Variants in CHRNA7 observed in about 807,000 individuals in gnomAD.
CHRNA7 encodes cholinergic receptor nicotinic alpha 7 subunit, also known as neuronal acetylcholine receptor subunit alpha-7.
CHRNA7 carries 17 observed loss-of-function variants against 48.0 expected under a neutral mutation model. The observed-to-expected ratio is 0.35, with a 90% CI of 0.24 to 0.53. CHRNA7 has a LOEUF of 0.53. Among genes scored for constraint, CHRNA7 ranks in the 20% least tolerant of loss-of-function variants. The probability of loss-of-function intolerance (pLI) is 0.92; values close to 1 mark genes in which losing one functional copy is unlikely to be tolerated. For missense variants in CHRNA7, 155 were observed against 577.7 expected, an observed-to-expected ratio of 0.27 and a Z score of 7.50; for synonymous variants, 75 against 242.3, an observed-to-expected ratio of 0.31 and a Z score of 6.41.
At chr15:32,112,382 A>T in intron 4 of CHRNA7, 1 of 456,946 alleles carries the variant, frequency 2.2e-6, no homozygotes, top group Non-Finnish European at 4.4e-6. Flanking sequence ...GAGGACTGTC[A>T]TCTCTAGCTG....
chr15:32,098,684 G>C (rs938145073), intron 2 of CHRNA7: 2 of 152,296 alleles, frequency 1.3e-5, no homozygotes, highest in Non-Finnish European at 2.9e-5. Flanking sequence ...ATCACAGGTG[G>C]TTAAAGCAGA....
chr15:32,124,646 A>G (rs2051033165), intron 4 of CHRNA7, among the ~76,000 whole-genome samples: 1 of 152,000 alleles, frequency 6.6e-6, no homozygotes, highest in African/African-American at 2.4e-5. Context: ...AGTCAGGTGA[A>G]TCCACCTCAA....
intron 4 of CHRNA7, among the ~76,000 whole-genome samples, chr15:32,121,600 A>AAG (rs146227171): frequency 6.6e-6 from 1 of 152,180 alleles, no homozygotes; most frequent in Non-Finnish European, 1.5e-5. Flanking sequence ...AAAGATCTGG[A>AAG]AGAGAGAGAG....
In CHRNA7 at chr15:32,058,570, C is replaced by T. The variant is rs186401266; in HGVS notation, c.195+27533C>T. 3.7e-3 allele frequency among the ~76,000 whole-genome samples: 566 copies of T among 152,242 alleles called. 2 individuals are homozygous for T. Among genetic ancestry groups the T allele is most frequent in the Non-Finnish European group, 6.0e-3 (411 of 68,010 alleles). On this transcript the variant is annotated intron_variant, in intron 2 of 9. Transcript: ENST00000306901. ...GTGCTTGAAACTTAGTGTTAGAGTG[C>T]TCGAAACTTAGTCTCAAATAGAGGA...
At chr15:32,117,937 T>C (rs1355899649) in intron 4 of CHRNA7, among the ~76,000 whole-genome samples, 1 of 152,226 alleles carries the variant, frequency 6.6e-6, no homozygotes, top group African/African-American at 2.4e-5. Context: ...TTTGAATATT[T>C]GTCCTTTACA....
intron 2 of CHRNA7, among the ~76,000 whole-genome samples, chr15:32,051,545 C>T (rs776744619): frequency 1.3e-5 from 2 of 149,520 alleles, no homozygotes; most frequent in Non-Finnish European, 3.0e-5. Context: ...TTCCAGGTGC[C>T]GTCTGTCACC....
chr15:32,140,061 A>G (rs532918525), intron 4 of CHRNA7, among the ~76,000 whole-genome samples: 1 of 152,008 alleles, frequency 6.6e-6, no homozygotes, highest in Admixed American at 6.5e-5. Context: ...TCCTAATGCT[A>G]TCCCACCCCC....
chr15:32,050,670 T>C (rs551163133), intron 2 of CHRNA7, among the ~76,000 whole-genome samples: 50 of 152,354 alleles, frequency 3.3e-4, no homozygotes, highest in South Asian at 1.9e-3. Context: ...TCCATCCAGC[T>C]TTGTTCCGTT....
intron 2 of CHRNA7, among the ~76,000 whole-genome samples, chr15:32,034,482 AT>A (rs1440468135): frequency 6.6e-6 from 1 of 152,198 alleles, no homozygotes; most frequent in Non-Finnish European, 1.5e-5. Flanking sequence ...GGGGGAGGCT[AT>A]GATTTTTCTT....
At chr15:32,123,343 T>C (rs924383560) in intron 4 of CHRNA7, among the ~76,000 whole-genome samples, 1 of 151,496 alleles carries the variant, frequency 6.6e-6, no homozygotes, top group Non-Finnish European at 1.5e-5. Context: ...TGAATAGCTA[T>C]CAGAGTAACA....
intron 2 of CHRNA7, among the ~76,000 whole-genome samples, chr15:32,046,155 A>G (rs2141178583): frequency 6.6e-6 from 1 of 152,176 alleles, no homozygotes; most frequent in Non-Finnish European, 1.5e-5. Context: ...TTATAGCAGC[A>G]TGATTTATAG....
At chr15:32,125,549 A>G (rs929654790) in intron 4 of CHRNA7, among the ~76,000 whole-genome samples, 1 of 152,108 alleles carries the variant, frequency 6.6e-6, no homozygotes, top group Non-Finnish European at 1.5e-5. Flanking sequence ...TTCTGGGGTC[A>G]AGAGGGGACA....
At chr15:32,084,181 A>G (rs2050259032) in intron 2 of CHRNA7, among the ~76,000 whole-genome samples, 1 of 151,814 alleles carries the variant, frequency 6.6e-6, no homozygotes, top group Non-Finnish European at 1.5e-5. Context: ...TTACAGAAAA[A>G]CAAACATGTT....
At chr15:32,064,972 G>T (rs2049941772) in intron 2 of CHRNA7, among the ~76,000 whole-genome samples, 2 of 152,180 alleles carry the variant, frequency 1.3e-5, no homozygotes, top group African/African-American at 4.8e-5. Flanking sequence ...GTTGAGGTAT[G>T]TATGTGAAAA....
rs988451027 is a variant in CHRNA7 at position 32,078,242 on chromosome 15, CAATT to C, written c.196-23060_196-23057del. Among the ~76,000 whole-genome samples, 14 of 152,168 alleles carry C rather than the reference CAATT, an allele frequency of 9.2e-5. No homozygotes were observed. In the South Asian group the frequency reaches 2.7e-3, roughly 29 times the overall value. ...TTAATTTTAATGAAGTCCAGTCTAT[CAATT>C]CTTTCTTTCGTAGATCATCCTTTGG... On this transcript the variant is annotated intron_variant, in intron 2 of 9. Transcript: ENST00000306901.
chr15:32,051,338 C>T (rs1026497733), intron 2 of CHRNA7, among the ~76,000 whole-genome samples: 11 of 152,150 alleles, frequency 7.2e-5, no homozygotes, highest in East Asian at 1.9e-4. Flanking sequence ...TTTACCTAAG[C>T]GAGCCTAGGC....
chr15:32,105,348 A>G (rs1478223625), intron 3 of CHRNA7, among the ~76,000 whole-genome samples: 2 of 151,864 alleles, frequency 1.3e-5, no homozygotes, highest in Admixed American at 6.6e-5. Context: ...GGAGAAGAAG[A>G]AGGAAAAGAG....
At chr15:32,075,614 T>G (rs1027993767) in intron 2 of CHRNA7, among the ~76,000 whole-genome samples, 1 of 152,070 alleles carries the variant, frequency 6.6e-6, no homozygotes, top group African/African-American at 2.4e-5. Context: ...TCGCTAAAGG[T>G]TTTTCAATGT....
intron 4 of CHRNA7, among the ~76,000 whole-genome samples, chr15:32,138,731 A>ATGTTTTGTTTTGTTT (rs56884132): frequency 0.12 from 18,206 of 146,074 alleles, 1,317 homozygotes; most frequent in East Asian, 0.27. Context: ...TTGACCTGTT[A>ATGTTTTGTTTTGTTT]TGTTTTGTTT....
Sources: gnomAD v4.1 joint callset for allele counts (sites outside exome capture counted in the v4.1 genomes callset) on GRCh38, gnomAD v4.1.1 for gene constraint, MANE v1.5 for transcripts, NCBI Gene and HGNC (gene_info 2026-07-23, HGNC 2026-07-21) for gene names.